The following BRPF3 variants were observed in gnomAD, a reference collection of about 807,000 sequenced individuals.
BRPF3 encodes bromodomain and PHD finger containing 3, also known as bromodomain and PHD finger-containing protein 3.
In BRPF3, 18 loss-of-function variants were observed where a neutral mutation model predicts 102.0. That is an observed-to-expected ratio of 0.18 (90% CI 0.12 to 0.26). The LOEUF is 0.26. Ranked by LOEUF, BRPF3 falls within the 10% of genes least tolerant of loss-of-function variation. BRPF3 has a pLI of 1.00. For missense variants in BRPF3, 1,147 were observed against 1,567.8 expected, an observed-to-expected ratio of 0.73 and a Z score of 4.53; for synonymous variants, 570 against 614.2, an observed-to-expected ratio of 0.93 and a Z score of 1.06.
In BRPF3 at chr6:36,209,919, A is replaced by G. The variant is rs150847423; in HGVS notation, c.1866+4A>G. 1.5e-4 allele frequency: 249 copies of G among 1,613,862 alleles called. No individual in the cohort carries two copies. The East Asian group carries it at 4.9e-3, about 32-fold the overall frequency. ...AGAACCAGTCAACTTGAGTGAGGCA[A>G]GTTCCCCCTACTTTCCAAGTAGTAA... is the stretch of plus-strand genomic sequence containing the variant. On this transcript the variant is annotated splice_donor_region_variant and intron_variant, in intron 5 of 12. Coordinates refer to ENST00000357641, the MANE Select transcript of BRPF3 (RefSeq NM_015695.3).
chr6:36,207,258 G>C, intron 3 of BRPF3, 55 bp from the exon 4 acceptor site: 4 of 1,594,566 alleles, frequency 2.5e-6, no homozygotes, highest in Non-Finnish European at 3.4e-6. Context: ...CTTGAACAGG[G>C]AGAGGACTTT....
intron 8 of BRPF3, among the ~76,000 whole-genome samples, chr6:36,215,206 T>C (rs764793399): frequency 2.6e-5 from 4 of 152,130 alleles, no homozygotes; most frequent in Non-Finnish European, 5.9e-5. Flanking sequence ...AACCTCTGCC[T>C]CCTGGGTTCA....
rs767622176 is a variant in BRPF3, at chr6:36,213,957, C to T, written c.2560C>T (p.Pro854Ser). The T allele has an allele frequency of 6.2e-7, 1 of 1,614,098 alleles. No individual in the cohort carries two copies. The highest frequency in any genetic ancestry group is 1.1e-5 in the South Asian group (1 of 91,076). Residue 854 changes from proline (P) to serine (S), a missense_variant, in exon 8 of 13, where the codon CCG (proline) becomes TCG (serine). This residue lies in a region of BRPF3 where 379 missense variants were observed against 426.3 expected (regional missense o/e 0.89). Transcript: ENST00000357641. The part of the protein sequence containing the change: ...APSLSEQESP[P>S]EPPTLKPIND... ...TTCCTTGTCTGAGCAAGAATCCCCC[C>T]CGGAGCCCCCTACTCTGAAACCCAT...
intron 4 of BRPF3, among the ~76,000 whole-genome samples, chr6:36,208,491 A>G (rs531983518): frequency 6.6e-6 from 1 of 152,272 alleles, no homozygotes; most frequent in East Asian, 1.9e-4. Flanking sequence ...GAAAAAAAAA[A>G]GATGTTTCTT....
At chr6:36,222,323 T>C in intron 10 of BRPF3, 58 bp downstream of exon 10, 1 of 1,461,408 alleles carries the variant, frequency 6.8e-7, no homozygotes, top group Non-Finnish European at 9.4e-7. Flanking sequence ...GAGCCAGCTC[T>C]TCAGGCTGCT....
In BRPF3 at chr6:36,211,291, A is replaced by C. The variant is rs1289363100; in HGVS notation, c.2213A>C (p.His738Pro). Residue 738 changes from histidine to proline, a missense_variant, in exon 7 of 13, where the codon CAT (histidine) becomes CCT (proline). By Grantham distance (77) the His-to-Pro change is moderately conservative. This residue lies in a region of BRPF3 where 109 missense variants were observed against 175.1 expected (regional missense o/e 0.62). Transcript: ENST00000357641. ...DNILIPENRA[H>P]LSPEVQLKEL... ...ATCCTCATCCCAGAGAACCGGGCCCATTTGTCCCCAGAGGTGCAGCTGAAG... is the reference window on the plus strand; with the variant it reads ...ATCCTCATCCCAGAGAACCGGGCCCCTTTGTCCCCAGAGGTGCAGCTGAAG... 1 of 1,613,946 alleles carries C rather than the reference A, an allele frequency of 6.2e-7. No homozygotes were observed. The highest frequency in any genetic ancestry group is 8.5e-7 in the Non-Finnish European group (1 of 1,179,976).
chr6:36,204,770 C>G lies in BRPF3; in HGVS notation c.1561C>G (p.Arg521Gly). The G allele has an allele frequency of 1.2e-6, 2 of 1,614,220 alleles. No homozygotes were observed. The highest frequency in any genetic ancestry group is 8.5e-7 in the Non-Finnish European group (1 of 1,180,046). ...GGCACGGAATGGTGTCCCTCTTATC[C>G]GGCGCTTGCACTCCCATCTGCAGTC... ...RQARNGVPLIRRLHSHLQSQR... is the reference protein window; with the variant it reads ...RQARNGVPLIGRLHSHLQSQR... The change falls in exon 3 of 13, where the codon CGG (arginine) becomes GGG (glycine). Residue 521 changes from arginine (R) to glycine (G), a missense_variant. Around this residue, in one of 11 missense-constraint regions of BRPF3, gnomAD observed 37 missense variants for 33.3 expected, o/e 1.11. Transcript: ENST00000357641.
In BRPF3 at chr6:36,209,853, C is replaced by T. The variant is rs746649023; in HGVS notation, c.1804C>T (p.Leu602=). The change falls in exon 5 of 13, where the codon CTG becomes TTG. Residue 602 remains leucine (L), a synonymous_variant. Coordinates refer to ENST00000357641, the MANE Select transcript of BRPF3 (RefSeq NM_015695.3). ...MPFNVLLRTT[L]DLLQEKDPAH... Reference sequence around the variant, plus strand: ...ATTCAATGTTCTGTTGAGGACAACACTGGACCTGCTGCAGGAGAAGGATCC... The same window carrying T: ...ATTCAATGTTCTGTTGAGGACAACATTGGACCTGCTGCAGGAGAAGGATCC... 6.8e-6 allele frequency: 11 copies of T among 1,614,100 alleles called. No homozygotes were observed. In the African/African-American group the frequency reaches 1.5e-4, roughly 22 times the overall value.
intron 4 of BRPF3, among the ~76,000 whole-genome samples, chr6:36,208,069 G>A (rs974397027): frequency 6.6e-6 from 1 of 152,168 alleles, no homozygotes. Flanking sequence ...GAATATGGGG[G>A]TAATTATAGA....
chr6:36,202,587 C>T (rs1026662405), intron 2 of BRPF3, among the ~76,000 whole-genome samples: 2 of 152,160 alleles, frequency 1.3e-5, no homozygotes, highest in African/African-American at 2.4e-5. Flanking sequence ...AAACAGTATA[C>T]ACTGTTAGAG....
intron 4 of BRPF3, among the ~76,000 whole-genome samples, chr6:36,209,342 C>T (rs1348046449): frequency 6.6e-6 from 1 of 152,192 alleles, no homozygotes; most frequent in African/African-American, 2.4e-5. Context: ...CAACTCTGCT[C>T]CTTATTAGCT....
chr6:36,218,046 T>C lies in BRPF3; in HGVS notation c.3083+36T>C, dbSNP rs776320329. On this transcript the variant is annotated intron_variant, in intron 9 of 12. Transcript: ENST00000357641. Reference sequence around the variant, plus strand: ...ATTCCCAAAGCTTTGTCAGCAGCTCTGCTACCCCTCCTTTTACTCTCCATT... The same window carrying C: ...ATTCCCAAAGCTTTGTCAGCAGCTCCGCTACCCCTCCTTTTACTCTCCATT... The C allele has an allele frequency of 2.9e-5, 45 of 1,564,036 alleles. No individual in the cohort carries two copies. The Admixed American group carries it at 7.4e-4, about 26-fold the overall frequency.
chr6:36,221,657 A>G (rs1176369003), intron 9 of BRPF3, among the ~76,000 whole-genome samples: 2 of 152,204 alleles, frequency 1.3e-5, no homozygotes, highest in African/African-American at 4.8e-5. Context: ...TGGAAGTGAG[A>G]AGTGCATTTT....
Position 36,225,336 on chromosome 6 carries a change from G to T in BRPF3, c.3251G>T (p.Cys1084Phe). The T allele has an allele frequency of 1.2e-6, 2 of 1,610,652 alleles. No individual in the cohort carries two copies. ...CCCTTGGAGCTGGTGTGGGCCAAGT[G>T]CCGAGGCTACCCCTCCTACCCTGCC... ...LEPLELVWAK[C>F]RGYPSYPALI... Residue 1084 changes from cysteine to phenylalanine, a missense_variant, in exon 11 of 13, where the codon TGC (cysteine) becomes TTC (phenylalanine). Physicochemically the swap from Cys to Phe is radical, Grantham distance 205. This residue lies in a region of BRPF3 where 85 missense variants were observed against 172.9 expected (regional missense o/e 0.49). Coordinates refer to ENST00000357641, the MANE Select transcript of BRPF3 (RefSeq NM_015695.3).
intron 3 of BRPF3, among the ~76,000 whole-genome samples, chr6:36,206,236 G>A (rs1041005101): frequency 2.6e-5 from 4 of 152,216 alleles, no homozygotes; most frequent in Non-Finnish European, 5.9e-5. Flanking sequence ...TGGCCAAGAG[G>A]TTGTAGAGGG....
Position 36,210,482 on chromosome 6 carries a change from C to T in BRPF3, c.2133C>T (p.Pro711=), listed in dbSNP as rs768596307. 7.5e-6 allele frequency: 12 copies of T among 1,603,712 alleles called. No homozygotes were observed. The highest frequency in any genetic ancestry group is 5.3e-5 in the African/African-American group (4 of 74,828). The stretch of plus-strand genomic sequence containing the variant: ...ACCCCGAGAGGGGCACTCACCTGCC[C>T]GAGTCACCCAAATTGGAAGACTTTT... ...GYDPERGTHL[P]ESPKLEDFYR... Residue 711 remains proline, a synonymous_variant, in exon 6 of 13, where the codon CCC becomes CCT. Transcript: ENST00000357641. The surrounding 1 kb of genome is among the most constrained non-coding windows in gnomAD (Gnocchi z 4.7).
rs73415524 is a variant in BRPF3 at position 36,230,686 on chromosome 6, G to C, written c.*77G>C. On this transcript the variant is annotated 3_prime_UTR_variant, in exon 13 of 13. Coordinates refer to ENST00000357641, the MANE Select transcript of BRPF3 (RefSeq NM_015695.3). The surrounding 1 kb of genome is among the most constrained non-coding windows in gnomAD (Gnocchi z 5.4). ...AGAGAAGCCTCTTCTGCCCCTGCCA[G>C]ATGTATGGCCGGCAGCTTCCCCCTC... 31 of 1,500,154 alleles carry C rather than the reference G, an allele frequency of 2.1e-5. No individual in the cohort carries two copies. The African/African-American group carries it at 4.2e-4, about 20-fold the overall frequency. The allele number at this position is 1,500,154 out of a possible 1,614,324, so 92.9% of individuals were successfully genotyped here. A position where few individuals can be genotyped will look rare whatever the true frequency, so the allele number is the denominator to read the frequency against.
chr6:36,201,315 A>G lies in BRPF3; in HGVS notation c.993A>G (p.Lys331=). 6.2e-7 allele frequency: 1 copy of G among 1,614,188 alleles called. No individual in the cohort carries two copies. Among genetic ancestry groups the G allele is most frequent in the South Asian group, 1.1e-5 (1 of 91,076 alleles). The change falls in exon 2 of 13, where the codon AAA becomes AAG. Residue 331 remains lysine, a synonymous_variant. Coordinates refer to ENST00000357641, the MANE Select transcript of BRPF3 (RefSeq NM_015695.3). This position sits in a 1 kb window ranked among gnomAD's most constrained non-coding sequence, Gnocchi z 5.1. ...TAACCTGCTATATCTGCAAGCAGAAAGGGCTAGGTGCAGCCATCCAGTGCC... is the reference window on the plus strand; with the variant it reads ...TAACCTGCTATATCTGCAAGCAGAAGGGGCTAGGTGCAGCCATCCAGTGCC... ...WKLTCYICKQ[K]GLGAAIQCHK...
At chr6:36,207,199 GT>G in intron 3 of BRPF3, 113 bp from the exon 4 acceptor site, 1 of 1,386,668 alleles carries the variant, frequency 7.2e-7, no homozygotes, top group South Asian at 1.4e-5. Flanking sequence ...TCTTGGAACT[GT>G]GGGTCAAGGA....
Sources: gnomAD v4.1 joint callset for allele counts (sites outside exome capture counted in the v4.1 genomes callset) on GRCh38, gnomAD v4.1.1 for gene constraint, gnomAD v4.1.1 regional missense constraint, Gnocchi (gnomAD v3.1) non-coding constraint, MANE v1.5 for transcripts, NCBI Gene and HGNC (gene_info 2026-07-23, HGNC 2026-07-21) for gene names.